IMPG1: variants seen among roughly 807,000 people sequenced by gnomAD.
IMPG1 encodes the protein interphotoreceptor matrix proteoglycan of 150 kDa.
IMPG1 carries 85 observed loss-of-function variants against 92.0 expected under a neutral mutation model. The observed-to-expected ratio is 0.92, with a 90% CI of 0.78 to 1.11. IMPG1 has a LOEUF of 1.11. IMPG1 is among the 50% of genes least tolerant of loss of function. The probability of loss-of-function intolerance (pLI) is 0.00; values close to 1 mark genes in which losing one functional copy is unlikely to be tolerated. For missense variants in IMPG1, 1,022 were observed against 956.0 expected, an observed-to-expected ratio of 1.07 and a Z score of -0.91; for synonymous variants, 367 against 334.1, an observed-to-expected ratio of 1.10 and a Z score of -1.08.
In IMPG1 at chr6:75,922,128, T is replaced by A. The variant is rs369394345; in HGVS notation, c.2355A>T (p.Glu785Asp). The A allele has an allele frequency of 4.3e-6, 6 of 1,410,690 alleles. No homozygotes were observed. The highest frequency in any genetic ancestry group is 6.0e-6 in the Non-Finnish European group (6 of 1,005,572). The allele number at this position is 1,410,690 out of a possible 1,614,324, so 87.4% of individuals were successfully genotyped here. Residue 785 changes from glutamate (E) to aspartate (D), a missense_variant, in exon 17 of 17, where the codon GAA (glutamate) becomes GAT (aspartate). Physicochemically the swap from Glu to Asp is conservative, Grantham distance 45. Around this residue, in one of 3 missense-constraint regions of IMPG1, gnomAD observed 332 missense variants for 346.2 expected, o/e 0.96. Coordinates refer to ENST00000369950, the MANE Select transcript of IMPG1 (RefSeq NM_001563.4). Reference protein sequence around the residue: ...SKRNSELLTVEYEEFNHQDWE... With the variant: ...SKRNSELLTVDYEEFNHQDWE... ...AATCTTGATGGTTAAATTCTTCATA[T>A]TCTACGGTCAGTAATTCAGAATTTC...
rs528125107 is a variant in IMPG1 at position 76,068,257 on chromosome 6, T to C, written c.67+4165A>G. On this transcript the variant is annotated intron_variant, in intron 1 of 16. Coordinates refer to ENST00000369950, the MANE Select transcript of IMPG1 (RefSeq NM_001563.4). ...AGAAGGAGTCGAATTATCTGTTTGC[T>C]GCTGATGATATGATCTTATACGTAG... is the stretch of plus-strand genomic sequence containing the variant. 2.6e-5 allele frequency among the ~76,000 whole-genome samples: 4 copies of C among 152,274 alleles called. No homozygotes were observed. The South Asian group carries it at 8.3e-4, about 32-fold the overall frequency.
chr6:76,056,846 C>T (rs150720991), intron 1 of IMPG1, among the ~76,000 whole-genome samples: 131 of 152,104 alleles, frequency 8.6e-4, no homozygotes, highest in African/African-American at 2.5e-3. Flanking sequence ...GGGTCCTTTG[C>T]CCATTTAAAA....
rs1781470426 is a variant in IMPG1 at position 75,923,696 on chromosome 6, G to C, written c.2254C>G (p.His752Asp). The part of the protein sequence containing the change: ...GKGAPCRLPD[H>D]SENQAYKTSV... ...GTTTTGTATGCTTGATTTTCAGAGT[G>C]ATCTGGCAACCTACAAAAGAAAGCA... Residue 752 changes from histidine to aspartate, a missense_variant, in exon 16 of 17, where the codon CAC becomes GAC. Physicochemically the swap from His to Asp is moderately conservative, Grantham distance 81 (BLOSUM62 -1). Coordinates refer to ENST00000369950, the MANE Select transcript of IMPG1 (RefSeq NM_001563.4). 1 of 1,594,388 alleles carries C rather than the reference G, an allele frequency of 6.3e-7. No individual in the cohort carries two copies. Among genetic ancestry groups the C allele is most frequent in the Middle Eastern group, 1.7e-4 (1 of 6,026 alleles).
intron 1 of IMPG1, among the ~76,000 whole-genome samples, chr6:76,068,748 C>T (rs1193555744): frequency 6.6e-6 from 1 of 151,796 alleles, no homozygotes; most frequent in Non-Finnish European, 1.5e-5. Context: ...AACTTCTGAC[C>T]TCAAGAGATC....
At chr6:76,033,483 TAAATC>T (rs1562377768) in intron 4 of IMPG1, among the ~76,000 whole-genome samples, 1 of 152,196 alleles carries the variant, frequency 6.6e-6, no homozygotes, top group Non-Finnish European at 1.5e-5. Flanking sequence ...ATTTCAGACA[TAAATC>T]TAACAGCAGT....
At chr6:76,025,142 C>G in intron 5 of IMPG1, 52 bp downstream of exon 5, 3 of 1,010,466 alleles carry the variant, frequency 3.0e-6, no homozygotes, top group Non-Finnish European at 4.7e-6. Flanking sequence ...AACATGCTAT[C>G]ATGATGATTT....
At chr6:75,942,726 C>T (rs2313754) in intron 14 of IMPG1, among the ~76,000 whole-genome samples, 12,066 of 151,978 alleles carry the variant, frequency 0.079, 573 homozygotes, top group East Asian at 0.23. Flanking sequence ...ATCAGCCAAT[C>T]GCACTGAAAA....
intron 4 of IMPG1, among the ~76,000 whole-genome samples, chr6:76,029,922 AC>A (rs1046641770): frequency 1.3e-5 from 2 of 151,778 alleles, no homozygotes; most frequent in African/African-American, 2.4e-5. Context: ...AGTCCATGTA[AC>A]CCCCCGAGAC....
At chr6:76,002,453 A>G (rs1028344688) in intron 12 of IMPG1, among the ~76,000 whole-genome samples, 23 of 152,246 alleles carry the variant, frequency 1.5e-4, no homozygotes, top group African/African-American at 5.5e-4. Context: ...CACATGTAGC[A>G]GAACAGCCTG....
chr6:76,036,014 T>C (rs1783737301), intron 2 of IMPG1, among the ~76,000 whole-genome samples: 1 of 152,200 alleles, frequency 6.6e-6, no homozygotes, highest in South Asian at 2.1e-4. Context: ...TGGCATATAA[T>C]GACAAAGGAA....
chr6:76,012,929 T>A (rs947826058), intron 7 of IMPG1, among the ~76,000 whole-genome samples: 34 of 152,216 alleles, frequency 2.2e-4, no homozygotes, highest in Admixed American at 1.9e-3. Context: ...CATCCCTAGA[T>A]ACCTTCCCTC....
chr6:75,972,497 G>A (rs1782440177), intron 12 of IMPG1, among the ~76,000 whole-genome samples: 1 of 148,410 alleles, frequency 6.7e-6, no homozygotes, highest in South Asian at 2.2e-4. Flanking sequence ...TTCTTCATAT[G>A]ACTTAATAAG....
At chr6:75,974,756 T>C (rs2149467247) in intron 12 of IMPG1, among the ~76,000 whole-genome samples, 1 of 152,286 alleles carries the variant, frequency 6.6e-6, no homozygotes, top group South Asian at 2.1e-4. Flanking sequence ...CCTCTGGTGA[T>C]CTGCCTGCCT....
At chr6:76,000,667 C>T (rs1316278911) in intron 12 of IMPG1, among the ~76,000 whole-genome samples, 2 of 152,070 alleles carry the variant, frequency 1.3e-5, no homozygotes, top group Admixed American at 6.6e-5. Flanking sequence ...ACAAGAGTCA[C>T]GTGCCAGAAA....
chr6:75,976,647 C>T (rs1782539708), intron 12 of IMPG1, among the ~76,000 whole-genome samples: 1 of 152,186 alleles, frequency 6.6e-6, no homozygotes, highest in South Asian at 2.1e-4. Context: ...TGCGGTGTCT[C>T]ATGCCTGTAA....
chr6:75,982,446 T>A (rs1429766795), intron 12 of IMPG1, among the ~76,000 whole-genome samples: 1 of 151,548 alleles, frequency 6.6e-6, no homozygotes, highest in Non-Finnish European at 1.5e-5. Context: ...GAGGCTGAGG[T>A]AGGAGAATTG....
chr6:75,939,208 T>A (rs1216707282), intron 14 of IMPG1, among the ~76,000 whole-genome samples: 1 of 151,592 alleles, frequency 6.6e-6, no homozygotes, highest in African/African-American at 2.4e-5. Flanking sequence ...TTCTTTTTTT[T>A]AAAATTATAC....
intron 12 of IMPG1, among the ~76,000 whole-genome samples, chr6:75,989,279 A>C (rs1336476229): frequency 6.6e-6 from 1 of 152,158 alleles, no homozygotes; most frequent in African/African-American, 2.4e-5. Context: ...ACTGTACAGC[A>C]TCATGTACAA....
chr6:75,936,290 G>A (rs1214051726), intron 14 of IMPG1, among the ~76,000 whole-genome samples: 2 of 152,212 alleles, frequency 1.3e-5, no homozygotes, highest in South Asian at 2.1e-4. Context: ...TAAAGCCAAC[G>A]GAGGTGGCTC....
Sources: allele counts gnomAD v4.1 joint callset (sites outside exome capture counted in the v4.1 genomes callset), GRCh38; gene constraint gnomAD v4.1.1; regional missense constraint gnomAD v4.1.1; transcripts MANE v1.5; gene names NCBI Gene and HGNC (gene_info 2026-07-23, HGNC 2026-07-21).